Variants in TMEM131L observed in about 807,000 individuals in gnomAD.
The protein encoded by TMEM131L is transmembrane protein 131-like.
In TMEM131L, 54 loss-of-function variants were observed where a neutral mutation model predicts 192.2. That is an observed-to-expected ratio of 0.28 (90% CI 0.23 to 0.35). The LOEUF (loss-of-function observed/expected upper bound fraction) is 0.35. Ranked by LOEUF, TMEM131L falls within the 10% of genes least tolerant of loss-of-function variation. TMEM131L has a pLI of 1.00. For missense variants in TMEM131L, 1,888 were observed against 1,972.9 expected (o/e 0.96, Z 0.82); for synonymous variants, 701 against 704.9 (o/e 0.99, Z 0.09).
At chr4:153,559,285 AT>A (rs1728695199) in intron 7 of TMEM131L, among the ~76,000 whole-genome samples, 1 of 152,166 alleles carries the variant, frequency 6.6e-6, no homozygotes, top group Non-Finnish European at 1.5e-5. Flanking sequence ...TCATATTTTT[AT>A]TTTTATAAAA....
chr4:153,620,163 C>T (rs1464754742), intron 26 of TMEM131L, among the ~76,000 whole-genome samples: 2 of 152,168 alleles, frequency 1.3e-5, no homozygotes, highest in Admixed American at 1.3e-4. Flanking sequence ...GGAAAAGGCT[C>T]CAATTGAGGA....
At chr4:153,544,976 G>C (rs542719234) in intron 3 of TMEM131L, among the ~76,000 whole-genome samples, 1 of 152,304 alleles carries the variant, frequency 6.6e-6, no homozygotes, top group Admixed American at 6.5e-5. Flanking sequence ...TTGAAATGAC[G>C]TGTTTTGGTT....
At position 153,581,416 on chromosome 4, in the gene TMEM131L, C is replaced by A. The variant is rs372748910; in HGVS notation, c.748C>A (p.Leu250Met). 2 of 1,548,260 alleles carry A rather than the reference C, an allele frequency of 1.3e-6. No homozygotes were observed. Among genetic ancestry groups the A allele is most frequent in the Non-Finnish European group, 1.7e-6 (2 of 1,144,426 alleles). The change falls in exon 9 of 35, where the codon CTG becomes ATG. Residue 250 changes from leucine (L) to methionine (M), a missense_variant. Physicochemically the swap from Leu to Met is conservative, Grantham distance 15. Coordinates refer to ENST00000409959, the MANE Select transcript of TMEM131L (RefSeq NM_001131007.2). ...KVCQQLKGCYLESDDVLRLQM... is the reference protein window; with the variant it reads ...KVCQQLKGCYMESDDVLRLQM... ...CTCCTTCCAACCATAGGGTTGTTAT[C>A]TGGAATCTGATGATGTTTTGCGTCT...
At chr4:153,501,379 T>C (rs540674878) in intron 3 of TMEM131L, among the ~76,000 whole-genome samples, 2 of 152,138 alleles carry the variant, frequency 1.3e-5, no homozygotes, top group African/African-American at 4.8e-5. Context: ...TTTTTGTATT[T>C]TTAGGAGAGA....
intron 31 of TMEM131L, among the ~76,000 whole-genome samples, chr4:153,631,210 C>T (rs532821692): frequency 6.6e-6 from 1 of 152,336 alleles, no homozygotes; most frequent in South Asian, 2.1e-4. Flanking sequence ...ATCCAGCCAT[C>T]AGTGAGCCAG....
chr4:153,485,318 A>G lies in TMEM131L; in HGVS notation c.239+11430A>G, dbSNP rs538050437. Among the ~76,000 whole-genome samples, 6 of 152,150 alleles carry G rather than the reference A, an allele frequency of 3.9e-5. No homozygotes were observed. In the East Asian group the frequency reaches 7.7e-4, roughly 20 times the overall value. ...GTTTGAGAAACATTGTCCAGTCCCT[A>G]TTGTTCTTACCCAGTTTGTTCAGGT... On this transcript the variant is annotated intron_variant, in intron 3 of 34. Transcript: ENST00000409959.
At chr4:153,611,296 G>T (rs1732596746) in intron 25 of TMEM131L, among the ~76,000 whole-genome samples, 1 of 152,180 alleles carries the variant, frequency 6.6e-6, no homozygotes. Flanking sequence ...AACAAGAGAG[G>T]CAAGGAAGCT....
intron 3 of TMEM131L, among the ~76,000 whole-genome samples, chr4:153,545,782 G>A (rs1737129219): frequency 1.3e-5 from 2 of 152,306 alleles, no homozygotes; most frequent in African/African-American, 2.4e-5. Context: ...TTTGCAGAAG[G>A]TCTTCAAAAT....
chr4:153,469,993 G>A (rs1308847122), intron 2 of TMEM131L, among the ~76,000 whole-genome samples: 2 of 150,264 alleles, frequency 1.3e-5, no homozygotes, highest in South Asian at 2.1e-4. Context: ...TGTTTGTATA[G>A]TTATTTATTT....
intron 3 of TMEM131L, among the ~76,000 whole-genome samples, chr4:153,509,066 C>T (rs1233959884): frequency 2.0e-5 from 3 of 151,712 alleles, no homozygotes; most frequent in Non-Finnish European, 2.9e-5. Flanking sequence ...AAAAGAGGGC[C>T]GGGTGTGGTG....
intron 2 of TMEM131L, among the ~76,000 whole-genome samples, chr4:153,472,691 C>A (rs936229719): frequency 6.6e-6 from 1 of 152,066 alleles, no homozygotes; most frequent in Non-Finnish European, 1.5e-5. Context: ...ATGTGAGTTG[C>A]GGTTTTAAGA....
chr4:153,513,263 T>C (rs1734484662), intron 3 of TMEM131L, among the ~76,000 whole-genome samples: 1 of 152,246 alleles, frequency 6.6e-6, no homozygotes, highest in South Asian at 2.1e-4. Flanking sequence ...AATATATACT[T>C]ACCAGAGAAA....
At chr4:153,615,106 A>G (rs1287983362) in intron 26 of TMEM131L, among the ~76,000 whole-genome samples, 1 of 152,236 alleles carries the variant, frequency 6.6e-6, no homozygotes, top group East Asian at 1.9e-4. Flanking sequence ...TCATGTATTC[A>G]TTCTATAATA....
chr4:153,544,874 G>A (rs375328611), intron 3 of TMEM131L, among the ~76,000 whole-genome samples: 47 of 152,292 alleles, frequency 3.1e-4, no homozygotes, highest in African/African-American at 1.1e-3. Flanking sequence ...CTGCCTCCGT[G>A]CAGCTGAGCC....
chr4:153,544,666 T>C (rs1737038527), intron 3 of TMEM131L, among the ~76,000 whole-genome samples: 1 of 152,226 alleles, frequency 6.6e-6, no homozygotes, highest in Admixed American at 6.5e-5. Context: ...CTTTGTTCAG[T>C]GTCCCTCCGT....
intron 20 of TMEM131L, among the ~76,000 whole-genome samples, chr4:153,596,932 T>C (rs923629382): frequency 2.0e-5 from 3 of 152,222 alleles, no homozygotes; most frequent in East Asian, 1.9e-4. Flanking sequence ...TTTAATTGTT[T>C]TCATCTTTAG....
chr4:153,570,404 C>T (rs960547626), intron 7 of TMEM131L, among the ~76,000 whole-genome samples: 18 of 152,114 alleles, frequency 1.2e-4, no homozygotes, highest in Non-Finnish European at 1.8e-4. Context: ...TTGCACTTAA[C>T]GCTTGGCAGG....
At chr4:153,587,051 A>C (rs1730747984) in intron 14 of TMEM131L, among the ~76,000 whole-genome samples, 1 of 151,974 alleles carries the variant, frequency 6.6e-6, no homozygotes, top group Non-Finnish European at 1.5e-5. Context: ...TATAGTGTGG[A>C]TCTTTCATAG....
intron 3 of TMEM131L, among the ~76,000 whole-genome samples, chr4:153,534,181 A>G (rs898861378): frequency 6.6e-6 from 1 of 152,240 alleles, no homozygotes; most frequent in African/African-American, 2.4e-5. Context: ...TGTTCTGTAA[A>G]TACAAAACAG....
Sources: gnomAD v4.1 joint callset for allele counts (sites outside exome capture counted in the v4.1 genomes callset) on GRCh38, gnomAD v4.1.1 for gene constraint, MANE v1.5 for transcripts, NCBI Gene and HGNC (gene_info 2026-07-23, HGNC 2026-07-21) for gene names.